FOXP2: variants seen among roughly 807,000 people sequenced by gnomAD.
FOXP2 encodes forkhead box P2.
Under a neutral mutation model 115.8 loss-of-function variants are expected in FOXP2, and 12 were observed. That is an observed-to-expected ratio of 0.10 (90% CI 0.07 to 0.17). The LOEUF (loss-of-function observed/expected upper bound fraction) is 0.17. Among genes scored for constraint, FOXP2 ranks in the 10% least tolerant of loss-of-function variants. The probability of loss-of-function intolerance (pLI) is 1.00; values close to 1 mark genes in which losing one functional copy is unlikely to be tolerated. For missense variants in FOXP2, 629 were observed against 843.5 expected, an observed-to-expected ratio of 0.75 and a Z score of 3.15; for synonymous variants, 328 against 297.7, an observed-to-expected ratio of 1.10 and a Z score of -1.05.
intron 16 of FOXP2, among the ~76,000 whole-genome samples, chr7:114,686,215 C>T (rs1417390293): frequency 6.6e-6 from 1 of 151,704 alleles, no homozygotes; most frequent in East Asian, 1.9e-4. Flanking sequence ...CTCTGTCACC[C>T]AGGCTGGAGT....
At chr7:114,549,945 G>A (rs549994955) in intron 3 of FOXP2, among the ~76,000 whole-genome samples, 1 of 151,738 alleles carries the variant, frequency 6.6e-6, no homozygotes, top group Non-Finnish European at 1.5e-5. Flanking sequence ...CTTTTATGTG[G>A]TTTCTTCTAA....
At position 114,597,572 on chromosome 7, in the gene FOXP2, A is replaced by G. The variant is rs74807191; in HGVS notation, c.259-30968A>G. On this transcript the variant is annotated intron_variant, in intron 3 of 16. Transcript: ENST00000350908. ...GACAACTACATTTCATCAGTAAGCCAATGTGCATCCAGGCTGGGTGACTAG... is the reference window on the plus strand; with the variant it reads ...GACAACTACATTTCATCAGTAAGCCGATGTGCATCCAGGCTGGGTGACTAG... Among the ~76,000 whole-genome samples the G allele has an allele frequency of 9.3e-4, 141 of 152,268 alleles. 1 individual carries two copies. The highest frequency in any genetic ancestry group is 1.1e-3 in the Non-Finnish European group (75 of 67,990).
intron 2 of FOXP2, among the ~76,000 whole-genome samples, chr7:114,517,328 CAGA>C (rs1396994881): frequency 1.1e-4 from 16 of 152,132 alleles, no homozygotes; most frequent in African/African-American, 3.4e-4. Context: ...CTTTACTGGG[CAGA>C]AGCTTTTTAG....
At chr7:114,383,416 G>A (rs1209115110) in intron 2 of FOXP2, among the ~76,000 whole-genome samples, 2 of 152,112 alleles carry the variant, frequency 1.3e-5, no homozygotes, top group Non-Finnish European at 2.9e-5. Context: ...TGGGTTGAAG[G>A]GGGGTCCTTA....
intron 1 of FOXP2, among the ~76,000 whole-genome samples, chr7:114,091,896 C>T (rs184063386): frequency 6.6e-6 from 1 of 152,112 alleles, no homozygotes; most frequent in Non-Finnish European, 1.5e-5. Flanking sequence ...GACCTGTACT[C>T]AACTACTGCT....
At chr7:114,625,237 C>A (rs1804490191) in intron 3 of FOXP2, among the ~76,000 whole-genome samples, 1 of 151,508 alleles carries the variant, frequency 6.6e-6, no homozygotes. Context: ...TGATAAATAC[C>A]CATTCAAAAC....
upstream of FOXP2, among the ~76,000 whole-genome samples, chr7:114,087,376 G>T (rs774188065): frequency 6.6e-6 from 1 of 151,366 alleles, no homozygotes; most frequent in Non-Finnish European, 1.5e-5. Context: ...GCTTCCCCCG[G>T]TGTCTGGCCT....
At chr7:114,159,444 C>T (rs185774138), upstream of FOXP2, among the ~76,000 whole-genome samples, 1 of 150,834 alleles carries the variant, frequency 6.6e-6, no homozygotes, top group Admixed American at 6.6e-5. Flanking sequence ...CTCTTTCATT[C>T]TAATTCCAAC....
intron 8 of FOXP2, among the ~76,000 whole-genome samples, chr7:114,647,122 C>T (rs968673574): frequency 6.6e-6 from 1 of 151,660 alleles, no homozygotes; most frequent in Non-Finnish European, 1.5e-5. Flanking sequence ...TTTACAGCTT[C>T]GACTTTAATT....
At chr7:114,441,276 C>T (rs564448774) in intron 2 of FOXP2, among the ~76,000 whole-genome samples, 14 of 151,906 alleles carry the variant, frequency 9.2e-5, no homozygotes, top group Admixed American at 3.9e-4. Flanking sequence ...GGTGAAACCT[C>T]GTCTCTACTA....
intron 2 of FOXP2, among the ~76,000 whole-genome samples, chr7:114,506,361 T>A (rs1346251142): frequency 6.6e-6 from 1 of 151,710 alleles, no homozygotes; most frequent in African/African-American, 2.4e-5. Context: ...CCAAAATGTC[T>A]TCATATTTTT....
intron 1 of FOXP2, among the ~76,000 whole-genome samples, chr7:114,136,512 G>A (rs1181129615): frequency 6.6e-6 from 1 of 151,956 alleles, no homozygotes; most frequent in East Asian, 1.9e-4. Flanking sequence ...ATTATAGTTT[G>A]TAATAAAAGT....
intron 2 of FOXP2, among the ~76,000 whole-genome samples, chr7:114,328,653 C>G (rs575080415): frequency 2.5e-4 from 38 of 152,270 alleles, no homozygotes; most frequent in African/African-American, 8.9e-4. Flanking sequence ...GCTATGGACT[C>G]AGAAGTAAGC....
chr7:114,648,267 G>GC (rs913260417), intron 8 of FOXP2, among the ~76,000 whole-genome samples: 11 of 152,034 alleles, frequency 7.2e-5, no homozygotes, highest in African/African-American at 2.4e-4. Context: ...TGGTGACAGT[G>GC]CCCCCCCATC....
chr7:114,516,451 A>C (rs1798348534), intron 2 of FOXP2, among the ~76,000 whole-genome samples: 1 of 152,174 alleles, frequency 6.6e-6, no homozygotes, highest in African/African-American at 2.4e-5. Flanking sequence ...TAAAACCATA[A>C]AAACCCTAGA....
At chr7:114,220,031 T>C (rs975656302) in intron 1 of FOXP2, among the ~76,000 whole-genome samples, 2 of 139,816 alleles carry the variant, frequency 1.4e-5, no homozygotes, top group African/African-American at 5.5e-5. Context: ...CATGCTCAGC[T>C]AATTTTTTTT....
chr7:114,633,512 A>C (rs1478008994), intron 6 of FOXP2, among the ~76,000 whole-genome samples: 2 of 152,174 alleles, frequency 1.3e-5, no homozygotes, highest in East Asian at 3.9e-4. Context: ...AGATGAAATC[A>C]CTCAACTATG....
chr7:114,218,711 A>G (rs965993183), intron 1 of FOXP2, among the ~76,000 whole-genome samples: 3 of 152,214 alleles, frequency 2.0e-5, no homozygotes, highest in Non-Finnish European at 4.4e-5. Context: ...TTAACTATGA[A>G]AGAATAGTCT....
chr7:114,687,952 AT>A, intron 16 of FOXP2, among the ~76,000 whole-genome samples: 1 of 152,190 alleles, frequency 6.6e-6, no homozygotes, highest in Non-Finnish European at 1.5e-5. Flanking sequence ...TATATCAAAT[AT>A]TTGTCACGTT....
Sources: gnomAD v4.1 joint callset for allele counts (sites outside exome capture counted in the v4.1 genomes callset) on GRCh38, gnomAD v4.1.1 for gene constraint, MANE v1.5 for transcripts, NCBI Gene and HGNC (gene_info 2026-07-23, HGNC 2026-07-21) for gene names.